HECTD4: variants seen among roughly 807,000 people sequenced by gnomAD.
HECTD4 encodes probable E3 ubiquitin-protein ligase HECTD4.
HECTD4 carries 114 observed loss-of-function variants against 471.5 expected under a neutral mutation model. The ratio of observed to expected loss-of-function variants is 0.24; its 90% CI spans 0.21 to 0.28. HECTD4 has a LOEUF of 0.28. HECTD4 is among the 10% of genes least tolerant of loss of function. HECTD4 has a pLI of 1.00. For synonymous variants in HECTD4, 2,012 were observed against 2,256.0 expected, an observed-to-expected ratio of 0.89 and a Z score of 3.07; for missense variants, 3,866 against 5,651.5, an observed-to-expected ratio of 0.68 and a Z score of 10.13.
At chr12:112,178,222 G>A (rs934157691) in intron 64 of HECTD4, among the ~76,000 whole-genome samples, 1 of 152,120 alleles carries the variant, frequency 6.6e-6, no homozygotes, top group Non-Finnish European at 1.5e-5. Context: ...GACCACAGGT[G>A]CATGCCACCA....
chr12:112,345,268 A>G (rs2036127627), intron 1 of HECTD4, among the ~76,000 whole-genome samples: 1 of 147,118 alleles, frequency 6.8e-6, no homozygotes, highest in African/African-American at 2.5e-5. Flanking sequence ...CCAAAAAAAG[A>G]AAAAAAAAAA....
At chr12:112,361,568 C>T (rs548162785) in intron 1 of HECTD4, among the ~76,000 whole-genome samples, 1 of 152,150 alleles carries the variant, frequency 6.6e-6, no homozygotes, top group African/African-American at 2.4e-5. Context: ...TCAACATACC[C>T]GGCCCTTATT....
Position 112,239,324 on chromosome 12 carries a change from A to G in HECTD4, c.5106-88T>C. 2 of 1,131,452 alleles carry G rather than the reference A, an allele frequency of 1.8e-6. No individual in the cohort carries two copies. Among genetic ancestry groups the G allele is most frequent in the Non-Finnish European group, 2.5e-6 (2 of 812,346 alleles). 70.1% of individuals were successfully genotyped at this position (1,131,452 alleles called of 1,614,324 possible). ...TGTGAGGTTCAAAGGGGCATAAAAC[A>G]TGCTGGTGCAGCTCTTTCCCTACAA... On this transcript the variant is annotated intron_variant, in intron 33 of 75. Transcript: ENST00000682272. The surrounding 1 kb of genome is among the most constrained non-coding windows in gnomAD (Gnocchi z 4.9).
chr12:112,221,330 C>G (rs1407336249), intron 44 of HECTD4, among the ~76,000 whole-genome samples: 2 of 152,146 alleles, frequency 1.3e-5, no homozygotes, highest in Non-Finnish European at 2.9e-5. Context: ...CTCACTGCAG[C>G]CCTGACTTCC....
In HECTD4 at chr12:112,163,924, C is replaced by A. The variant is rs1484456819; in HGVS notation, c.12701+185G>T. ...TCAGAGCTGCTGTTTTCTTAGTAAACCCCTTCTGCTGAGGACCCTCTTTCT... is the reference window on the plus strand; with the variant it reads ...TCAGAGCTGCTGTTTTCTTAGTAAAACCCTTCTGCTGAGGACCCTCTTTCT... On this transcript the variant is annotated intron_variant, in intron 73 of 75. Transcript: ENST00000682272. The surrounding 1 kb of genome is among the most constrained non-coding windows in gnomAD (Gnocchi z 8.2). Among the ~76,000 whole-genome samples the A allele has an allele frequency of 6.6e-6, 1 of 152,322 alleles. No individual in the cohort carries two copies. The highest frequency in any genetic ancestry group is 1.9e-4 in the East Asian group (1 of 5,174).
chr12:112,164,231 G>A lies in HECTD4; in HGVS notation c.12579C>T (p.Ala4193=), dbSNP rs779644404. The change falls in exon 73 of 76, where the codon GCC becomes GCT. Residue 4193 remains alanine (A), a synonymous_variant. Transcript: ENST00000682272. ...TELEALCAEI[A]SQHLATESPD... ...GGCTCTCCGTGGCCAGGTGCTGGGA[G>A]GCGATCTCAGCGCACAGGGCCTCCA... The A allele has an allele frequency of 1.6e-5, 26 of 1,613,680 alleles. No individual in the cohort carries two copies. The highest frequency in any genetic ancestry group is 2.2e-5 in the East Asian group (1 of 44,898).
chr12:112,221,875 C>T (rs919471624), intron 44 of HECTD4, among the ~76,000 whole-genome samples: 4 of 151,610 alleles, frequency 2.6e-5, no homozygotes, highest in African/African-American at 9.7e-5. Flanking sequence ...CTGCCTCAGC[C>T]TCCTGAGTAG....
Position 112,163,608 on chromosome 12 carries a change from C to A in HECTD4, c.12831G>T (p.Met4277Ile). 2 of 1,536,878 alleles carry A rather than the reference C, an allele frequency of 1.3e-6. No individual in the cohort carries two copies. Among genetic ancestry groups the A allele is most frequent in the Non-Finnish European group, 1.8e-6 (2 of 1,141,276 alleles). ...GSIIPLQLLT[M>I]LSPLEMELRT... ...GCAGCTCCATCTCCAGTGGGCTGAG[C>A]ATGGTCAGCAGCTGCAGGGGGATGA... The change falls in exon 74 of 76, where the codon ATG becomes ATT. Residue 4277 changes from methionine to isoleucine, a missense_variant. Around this residue, in one of 16 missense-constraint regions of HECTD4, gnomAD observed 715 missense variants for 1,087.6 expected, o/e 0.66. Transcript: ENST00000682272. This position sits in a 1 kb window ranked among gnomAD's most constrained non-coding sequence, Gnocchi z 8.2.
intron 43 of HECTD4, among the ~76,000 whole-genome samples, chr12:112,227,097 A>C (rs2033259067): frequency 6.6e-6 from 1 of 152,214 alleles, no homozygotes; most frequent in African/African-American, 2.4e-5. Context: ...AGAGGGATTC[A>C]AAAAGTGGGA....
In HECTD4 at chr12:112,212,472, A is replaced by G. The variant is rs750948311; in HGVS notation, c.7629+15T>C. 5.6e-6 allele frequency: 9 copies of G among 1,599,994 alleles called. No homozygotes were observed. The highest frequency in any genetic ancestry group is 1.7e-4 in the Middle Eastern group (1 of 5,982). ...GAAGGAGAATTTGTTTTCCTTTCCC[A>G]ACAAGGTAACCTGCCTTTTTCTGAA... On this transcript the variant is annotated intron_variant, in intron 49 of 75. Transcript: ENST00000682272.
chr12:112,352,993 T>C (rs889494396), intron 1 of HECTD4, among the ~76,000 whole-genome samples: 2 of 152,206 alleles, frequency 1.3e-5, no homozygotes, highest in African/African-American at 2.4e-5. Flanking sequence ...AGAATTCCTA[T>C]AAGTCAGTTG....
At chr12:112,253,893 G>T in intron 22 of HECTD4, 150 bp downstream of exon 22, 1 of 663,062 alleles carries the variant, frequency 1.5e-6, no homozygotes, top group East Asian at 2.8e-5. Context: ...CTGAATAGAA[G>T]GAGTGAGCTG....
chr12:112,290,848 C>CAAAAAAAAAAA lies in HECTD4; in HGVS notation c.1336-7547_1336-7546insTTTTTTTTTTT, dbSNP rs773634720. On this transcript the variant is annotated intron_variant, in intron 7 of 75. Transcript: ENST00000682272. ...GAGCAACAAGAGCGAAACTCCGTCT[C>CAAAAAAAAAAA]AAAAAAAAACAAAACAAAAAAAAAA... is the stretch of plus-strand genomic sequence containing the variant. Among the ~76,000 whole-genome samples, 148 of 86,156 alleles carry CAAAAAAAAAAA rather than the reference C, an allele frequency of 1.7e-3. 9 individuals are homozygous for CAAAAAAAAAAA. The highest frequency in any genetic ancestry group is 0.012 in the East Asian group (12 of 962). The allele number at this position is 86,156 out of a possible 152,430, so 56.5% of individuals were successfully genotyped here.
At chr12:112,309,730 T>G in intron 4 of HECTD4, 61 bp from the exon 5 acceptor site, 1 of 784,680 alleles carries the variant, frequency 1.3e-6, no homozygotes, top group South Asian at 2.0e-5. Flanking sequence ...ATTATAAACA[T>G]GCTTTTTCTA....
At chr12:112,372,857 T>C (rs1464987912) in intron 1 of HECTD4, among the ~76,000 whole-genome samples, 3 of 151,584 alleles carry the variant, frequency 2.0e-5, no homozygotes, top group Admixed American at 2.0e-4. Context: ...TAGGCTCAAG[T>C]AATTTTTCAG....
In HECTD4 at chr12:112,162,945, C is replaced by T. The variant is rs910864638; in HGVS notation, c.13120+97G>A. The T allele has an allele frequency of 9.9e-7, 1 of 1,015,074 alleles. No individual in the cohort carries two copies. The highest frequency in any genetic ancestry group is 1.5e-6 in the Non-Finnish European group (1 of 676,238). The allele number at this position is 1,015,074 out of a possible 1,614,324, so 62.9% of individuals were successfully genotyped here. A position where few individuals can be genotyped will look rare whatever the true frequency, so the allele number is the denominator to read the frequency against. ...AGTTTTGGCACGTGGGGCTCCTGTT[C>T]ATTGTTCTCCCTTCACATGGGGCCT... On this transcript the variant is annotated intron_variant, in intron 75 of 75. Coordinates refer to ENST00000682272, the MANE Select transcript of HECTD4 (RefSeq NM_001388303.1). The surrounding 1 kb of genome is among the most constrained non-coding windows in gnomAD (Gnocchi z 5.2).
rs984255286 is a variant in HECTD4, at chr12:112,381,333, C to A, written c.177+619G>T. Among the ~76,000 whole-genome samples, 8 of 152,250 alleles carry A rather than the reference C, an allele frequency of 5.3e-5. No individual in the cohort carries two copies. The highest frequency in any genetic ancestry group is 8.8e-5 in the Non-Finnish European group (6 of 68,014). ...CCCTTCCCCGAGAGTGCATGGAGGG[C>A]CGCTGGAGCATCCCTCTCGCTGTCC... On this transcript the variant is annotated intron_variant, in intron 1 of 75. Transcript: ENST00000682272. This position sits in a 1 kb window ranked among gnomAD's most constrained non-coding sequence, Gnocchi z 4.1.
chr12:112,328,156 T>A (rs900579952), intron 1 of HECTD4, among the ~76,000 whole-genome samples: 2 of 133,590 alleles, frequency 1.5e-5, no homozygotes, highest in Non-Finnish European at 3.1e-5. Flanking sequence ...TTATTTATTT[T>A]GAGACAGGGT....
At chr12:112,237,610 G>A (rs1047702902) in intron 34 of HECTD4, among the ~76,000 whole-genome samples, 9 of 152,130 alleles carry the variant, frequency 5.9e-5, no homozygotes, top group Non-Finnish European at 1.0e-4. Flanking sequence ...AGTAACTCCC[G>A]TGTCACCTTC....
Sources: gnomAD v4.1 joint callset for allele counts (sites outside exome capture counted in the v4.1 genomes callset) on GRCh38, gnomAD v4.1.1 for gene constraint, gnomAD v4.1.1 regional missense constraint, Gnocchi (gnomAD v3.1) non-coding constraint, MANE v1.5 for transcripts, NCBI Gene and HGNC (gene_info 2026-07-23, HGNC 2026-07-21) for gene names.